KCNH1: variants seen among roughly 807,000 people sequenced by gnomAD.
KCNH1 encodes voltage-gated delayed rectifier potassium channel KCNH1.
Under a neutral mutation model 69.2 loss-of-function variants are expected in KCNH1, and 27 were observed. The ratio of observed to expected loss-of-function variants is 0.39; its 90% CI spans 0.29 to 0.54. The LOEUF (loss-of-function observed/expected upper bound fraction) is 0.54, where lower values mean the gene tolerates loss of function less well. Ranked by LOEUF, KCNH1 falls within the 20% of genes least tolerant of loss-of-function variation. The probability of loss-of-function intolerance (pLI) is 0.68; values close to 1 mark genes in which losing one functional copy is unlikely to be tolerated. For missense variants in KCNH1, 798 were observed against 1,261.6 expected, an observed-to-expected ratio of 0.63 and a Z score of 5.57; for synonymous variants, 456 against 487.7, an observed-to-expected ratio of 0.93 and a Z score of 0.86.
At chr1:211,029,703 C>CA (rs1558574540) in intron 5 of KCNH1, among the ~76,000 whole-genome samples, 1 of 151,636 alleles carries the variant, frequency 6.6e-6, no homozygotes. Context: ...TGCAATAATG[C>CA]AAAAAAAGGA....
At chr1:211,018,526 T>A (rs1689533895) in intron 6 of KCNH1, among the ~76,000 whole-genome samples, 1 of 152,206 alleles carries the variant, frequency 6.6e-6, no homozygotes, top group Non-Finnish European at 1.5e-5. Context: ...GGCCCACCAT[T>A]CCTGAACCAG....
In KCNH1 at chr1:210,956,899, G is replaced by A. The variant is rs191556097; in HGVS notation, c.1033-36830C>T. ...CATTGATTTTTTTGAAGGATTTTTC[G>A]TTTCTCTATCTCCTTCAATTCCACT... On this transcript the variant is annotated intron_variant, in intron 6 of 10. Transcript: ENST00000271751. 6.9e-4 allele frequency among the ~76,000 whole-genome samples: 104 copies of A among 151,616 alleles called. 1 individual carries two copies. Among genetic ancestry groups the A allele is most frequent in the African/African-American group, 2.5e-3 (102 of 41,368 alleles).
intron 1 of KCNH1, among the ~76,000 whole-genome samples, chr1:211,113,974 T>TCTCTCA (rs1491436535): frequency 5.6e-5 from 8 of 142,478 alleles, no homozygotes; most frequent in East Asian, 2.0e-4. Flanking sequence ...TCTCTCTCTC[T>TCTCTCA]CACACACACA....
chr1:210,756,502 A>G (rs560186969), intron 10 of KCNH1, among the ~76,000 whole-genome samples: 3 of 152,372 alleles, frequency 2.0e-5, no homozygotes, highest in African/African-American at 7.2e-5. Flanking sequence ...GATAAGGCAC[A>G]ATCTTCAGTA....
chr1:211,098,080 G>A (rs907825848), intron 3 of KCNH1, among the ~76,000 whole-genome samples: 11 of 152,118 alleles, frequency 7.2e-5, no homozygotes, highest in African/African-American at 2.7e-4. Context: ...CCACCTGGGA[G>A]GTAGAGATGG....
chr1:210,841,843 G>C (rs536591231), intron 7 of KCNH1, among the ~76,000 whole-genome samples: 32 of 152,116 alleles, frequency 2.1e-4, no homozygotes, highest in Non-Finnish European at 4.0e-4. Flanking sequence ...AAAGCAGTAG[G>C]GGACCAGGGA....
intron 5 of KCNH1, among the ~76,000 whole-genome samples, chr1:211,031,346 C>T (rs1689780917): frequency 6.6e-6 from 1 of 152,188 alleles, no homozygotes; most frequent in Admixed American, 6.5e-5. Context: ...CCTTCAGAAA[C>T]TATTCCAATC....
chr1:211,119,337 G>A (rs1293862859), intron 1 of KCNH1, among the ~76,000 whole-genome samples: 3 of 152,122 alleles, frequency 2.0e-5, no homozygotes, highest in African/African-American at 7.2e-5. Context: ...TCCAGCCTGG[G>A]TGACAGAGGG....
chr1:210,730,352 C>T (rs1216785442), intron 10 of KCNH1, among the ~76,000 whole-genome samples: 2 of 152,066 alleles, frequency 1.3e-5, no homozygotes, highest in Non-Finnish European at 2.9e-5. Flanking sequence ...TCCTGGGTGT[C>T]AAAACATGGC....
At chr1:210,889,822 A>G (rs183591529) in intron 7 of KCNH1, among the ~76,000 whole-genome samples, 94 of 152,318 alleles carry the variant, frequency 6.2e-4, no homozygotes, top group African/African-American at 2.0e-3. Flanking sequence ...AATACCTAGG[A>G]ATACAACTTA....
At chr1:210,736,915 T>C (rs1187286701) in intron 10 of KCNH1, among the ~76,000 whole-genome samples, 1 of 152,160 alleles carries the variant, frequency 6.6e-6, no homozygotes, top group East Asian at 1.9e-4. Context: ...GGCTGCTTGC[T>C]TACCAAAGAG....
At chr1:210,821,776 C>G (rs1684933672) in intron 7 of KCNH1, among the ~76,000 whole-genome samples, 1 of 151,898 alleles carries the variant, frequency 6.6e-6, no homozygotes, top group Non-Finnish European at 1.5e-5. Context: ...TTTGGACAAC[C>G]ACTTGGTCCA....
chr1:210,691,818 C>G (rs1681533085), intron 10 of KCNH1, among the ~76,000 whole-genome samples: 1 of 152,218 alleles, frequency 6.6e-6, no homozygotes, highest in Non-Finnish European at 1.5e-5. Context: ...GAAACCCAGA[C>G]TTTGATTGAT....
chr1:210,828,330 T>A (rs17188665), intron 7 of KCNH1, among the ~76,000 whole-genome samples: 33,544 of 151,994 alleles, frequency 0.22, 4,880 homozygotes, highest in Non-Finnish European at 0.33. Flanking sequence ...ATAACAGACA[T>A]AGGAACTCAC....
intron 1 of KCNH1, among the ~76,000 whole-genome samples, chr1:211,109,620 A>G (rs1356098761): frequency 6.6e-6 from 1 of 152,204 alleles, no homozygotes; most frequent in Non-Finnish European, 1.5e-5. Context: ...TCTATGCGGA[A>G]AGAGGGAAGA....
intron 4 of KCNH1, 42 bp from the exon 5 acceptor site, chr1:211,082,940 C>T (rs772293644): frequency 1.3e-6 from 2 of 1,494,594 alleles, no homozygotes; most frequent in Non-Finnish European, 1.9e-6. Flanking sequence ...TCAACCACAT[C>T]CCAAAGGTGC....
intron 6 of KCNH1, among the ~76,000 whole-genome samples, chr1:210,928,417 T>G (rs756297290): frequency 2.2e-4 from 33 of 152,216 alleles, no homozygotes; most frequent in Non-Finnish European, 4.4e-4. Context: ...AAAGGAACCC[T>G]CAAAACAATC....
At chr1:210,974,771 C>A (rs955793285) in intron 6 of KCNH1, among the ~76,000 whole-genome samples, 6 of 151,880 alleles carry the variant, frequency 4.0e-5, no homozygotes, top group Non-Finnish European at 7.4e-5. Context: ...ACTGTGTTAT[C>A]CACGATGGTC....
chr1:210,816,375 C>T (rs1034434899), intron 7 of KCNH1, among the ~76,000 whole-genome samples: 5 of 152,176 alleles, frequency 3.3e-5, no homozygotes, highest in Admixed American at 6.5e-5. Context: ...TCCTGCTCCA[C>T]GGTAACCCAT....
Sources: gnomAD v4.1 joint callset for allele counts (sites outside exome capture counted in the v4.1 genomes callset) on GRCh38, gnomAD v4.1.1 for gene constraint, MANE v1.5 for transcripts, NCBI Gene and HGNC (gene_info 2026-07-23, HGNC 2026-07-21) for gene names.